The following RMDN2 variants were observed in gnomAD, a reference collection of about 807,000 sequenced individuals.
RMDN2 encodes regulator of microtubule dynamics 2.
RMDN2 carries 61 observed loss-of-function variants against 52.8 expected under a neutral mutation model. That is an observed-to-expected ratio of 1.16 (90% CI 0.94 to 1.43). The LOEUF is 1.43. RMDN2 is among the 40% of genes most tolerant of loss of function. RMDN2 has a pLI of 0.00. For synonymous variants in RMDN2, 180 were observed against 153.1 expected (o/e 1.18, Z -1.30); for missense variants, 592 against 475.3 (o/e 1.25, Z -2.28).
At chr2:38,015,433 C>T (rs1044692126) in intron 10 of RMDN2, among the ~76,000 whole-genome samples, 2 of 152,070 alleles carry the variant, frequency 1.3e-5, no homozygotes, top group African/African-American at 4.8e-5. Context: ...GGCATGGTAG[C>T]ACGTGCCTGT....
intron 2 of RMDN2, among the ~76,000 whole-genome samples, chr2:37,964,838 TTATTATTTTATTTTTAC>T (rs1393547710): frequency 1.3e-5 from 2 of 152,196 alleles, no homozygotes; most frequent in Non-Finnish European, 2.9e-5. Flanking sequence ...TACTATGGTA[TTATTATTTTATTTTTAC>T]TATTATTGTG....
At chr2:38,020,311 G>A (rs926019050), downstream of RMDN2, among the ~76,000 whole-genome samples, 5 of 151,408 alleles carry the variant, frequency 3.3e-5, no homozygotes, top group African/African-American at 9.7e-5. Flanking sequence ...ACGGGAGACC[G>A]TGACAGACCT....
At chr2:38,015,020 A>G (rs1678550271) in intron 10 of RMDN2, among the ~76,000 whole-genome samples, 1 of 152,260 alleles carries the variant, frequency 6.6e-6, no homozygotes. Context: ...ATTTAAACCC[A>G]GTTGTTTAAA....
intron 7 of RMDN2, among the ~76,000 whole-genome samples, chr2:37,994,737 G>A (rs1485870208): frequency 6.6e-6 from 1 of 152,176 alleles, no homozygotes. Context: ...AAACTCATAT[G>A]TTTCAATGGG....
chr2:38,017,290 A>T lies in RMDN2; in HGVS notation c.*51A>T, dbSNP rs182031244. On this transcript the variant is annotated 3_prime_UTR_variant, in exon 11 of 11. Coordinates refer to ENST00000354545, the MANE Select transcript of RMDN2 (RefSeq NM_001170791.3). ...TCAGATGTGGTCTACCAAAATTTAA[A>T]TGAATCAAAGTTGTGCTTTTATTAT... is the stretch of plus-strand genomic sequence containing the variant. 1.2e-4 allele frequency: 172 copies of T among 1,478,230 alleles called. No homozygotes were observed. In the African/African-American group the frequency reaches 2.2e-3, roughly 18 times the overall value. The allele number at this position is 1,478,230 out of a possible 1,614,324, so 91.6% of individuals were successfully genotyped here. A position where few individuals can be genotyped will look rare whatever the true frequency, so the allele number is the denominator to read the frequency against.
intron 2 of RMDN2, among the ~76,000 whole-genome samples, chr2:37,967,338 A>G (rs1671192205): frequency 6.6e-6 from 1 of 152,232 alleles, no homozygotes. Context: ...TTCAAGAGAA[A>G]TTATTAACAA....
chr2:37,972,507 G>A (rs1671939534), intron 2 of RMDN2, among the ~76,000 whole-genome samples: 1 of 152,212 alleles, frequency 6.6e-6, no homozygotes, highest in Non-Finnish European at 1.5e-5. Context: ...GCCAGATTAT[G>A]TTAGGCCTTG....
intron 10 of RMDN2, among the ~76,000 whole-genome samples, chr2:38,016,892 C>T (rs936862757): frequency 6.6e-6 from 1 of 151,734 alleles, no homozygotes; most frequent in South Asian, 2.1e-4. Context: ...ACATGATAAA[C>T]CCTTTACTCA....
At chr2:38,008,099 A>G (rs139656298) in intron 10 of RMDN2, among the ~76,000 whole-genome samples, 2,442 of 152,200 alleles carry the variant, frequency 0.016, 54 homozygotes, top group African/African-American at 0.056. Flanking sequence ...GTTCTTTTAC[A>G]TTTGCCGAGG....
At chr2:38,009,349 A>G (rs1270850674) in intron 10 of RMDN2, among the ~76,000 whole-genome samples, 1 of 152,174 alleles carries the variant, frequency 6.6e-6, no homozygotes, top group Non-Finnish European at 1.5e-5. Flanking sequence ...AGGTACACCA[A>G]TCAGACGTAG....
intron 10 of RMDN2, among the ~76,000 whole-genome samples, chr2:38,010,304 C>T (rs375157834): frequency 6.6e-6 from 1 of 152,230 alleles, no homozygotes; most frequent in Non-Finnish European, 1.5e-5. Context: ...GCCCTGCCCC[C>T]AGAGGTGGAG....
At chr2:37,934,196 G>C (rs1013256559) in intron 2 of RMDN2, among the ~76,000 whole-genome samples, 3 of 152,172 alleles carry the variant, frequency 2.0e-5, no homozygotes, top group Non-Finnish European at 4.4e-5. Context: ...ACACAAGAAA[G>C]GAAAAATATC....
chr2:37,922,174 A>G (rs1666050531), upstream of RMDN2, among the ~76,000 whole-genome samples: 1 of 152,202 alleles, frequency 6.6e-6, no homozygotes, highest in Non-Finnish European at 1.5e-5. Context: ...CAGCCTGGAA[A>G]TGAAGGTTGA....
Position 37,979,752 on chromosome 2 carries a change from G to A in RMDN2, c.731-1531G>A, listed in dbSNP as rs191803139. ...TATGAATCTAGTTTGTATACTACCC[G>A]GCGTCTTTTTATATTCTTGGAGTGA... On this transcript the variant is annotated intron_variant, in intron 4 of 10. Coordinates refer to ENST00000354545, the MANE Select transcript of RMDN2 (RefSeq NM_001170791.3). 3.3e-3 allele frequency among the ~76,000 whole-genome samples: 503 copies of A among 152,054 alleles called. 2 individuals carry two copies. Among genetic ancestry groups the A allele is most frequent in the Middle Eastern group, 0.017 (5 of 294 alleles).
chr2:38,061,215 T>C (rs1290969264), intron 10 of RMDN2, among the ~76,000 whole-genome samples: 1 of 151,704 alleles, frequency 6.6e-6, no homozygotes, highest in Non-Finnish European at 1.5e-5. Flanking sequence ...TCCTCTTACA[T>C]CCTCCCCATG....
At chr2:38,009,474 T>G (rs1454382228) in intron 10 of RMDN2, among the ~76,000 whole-genome samples, 1 of 152,238 alleles carries the variant, frequency 6.6e-6, no homozygotes, top group Non-Finnish European at 1.5e-5. Context: ...TTTCCATCAC[T>G]GATACCCTTT....
chr2:37,976,355 A>G (rs1293877743), intron 4 of RMDN2: 2 of 152,232 alleles, frequency 1.3e-5, no homozygotes, highest in East Asian at 3.8e-4. Flanking sequence ...TCAGCATAGT[A>G]CTTTGACATC....
chr2:37,982,646 G>T (rs1262718912), intron 5 of RMDN2, among the ~76,000 whole-genome samples: 4 of 152,128 alleles, frequency 2.6e-5, no homozygotes, highest in Admixed American at 2.6e-4. Flanking sequence ...TTGCTTTAGG[G>T]ATTGGAGTAC....
At chr2:38,028,931 C>T (rs1679979483) in intron 10 of RMDN2, among the ~76,000 whole-genome samples, 1 of 152,146 alleles carries the variant, frequency 6.6e-6, no homozygotes, top group Non-Finnish European at 1.5e-5. Context: ...TCCCCAGAGT[C>T]AAATCTGCCA....
Sources: gnomAD v4.1 joint callset for allele counts (sites outside exome capture counted in the v4.1 genomes callset) on GRCh38, gnomAD v4.1.1 for gene constraint, MANE v1.5 for transcripts, NCBI Gene and HGNC (gene_info 2026-07-23, HGNC 2026-07-21) for gene names.